The following FLACC1 variants were observed in gnomAD, a reference collection of about 807,000 sequenced individuals.
The protein encoded by FLACC1 is flagellum-associated coiled-coil domain-containing protein 1.
FLACC1 carries 66 observed loss-of-function variants against 62.8 expected under a neutral mutation model. The ratio of observed to expected loss-of-function variants is 1.05; its 90% CI spans 0.86 to 1.29. The LOEUF (loss-of-function observed/expected upper bound fraction) is 1.29, where lower values mean the gene tolerates loss of function less well. FLACC1 is among the 50% of genes most tolerant of loss of function. The probability of loss-of-function intolerance (pLI) is 0.00; values close to 1 mark genes in which losing one functional copy is unlikely to be tolerated. For synonymous variants in FLACC1, 156 were observed against 161.0 expected (o/e 0.97, Z 0.24); for missense variants, 452 against 489.1 (o/e 0.92, Z 0.71).
chr2:201,326,313 T>G lies in FLACC1; in HGVS notation c.675+4157A>C. ...TCATTCAACATAGTTCTGGAAGTCC[T>G]AGCTAGAGCAATTAGACAGGAGAAA... On this transcript the variant is annotated intron_variant, in intron 9 of 14. Transcript: ENST00000392257. The surrounding 1 kb of genome is among the most constrained non-coding windows in gnomAD (Gnocchi z 4.1). 6.6e-6 allele frequency among the ~76,000 whole-genome samples: 1 copy of G among 152,192 alleles called. No individual in the cohort carries two copies. The highest frequency in any genetic ancestry group is 1.9e-4 in the East Asian group (1 of 5,196).
chr2:201,296,548 A>T (rs548252994), intron 12 of FLACC1, among the ~76,000 whole-genome samples: 2 of 151,254 alleles, frequency 1.3e-5, no homozygotes, highest in South Asian at 4.2e-4. Flanking sequence ...GCATTAGGAG[A>T]TATACCTAAT....
At chr2:201,289,605 C>A in intron 13 of FLACC1, 39 bp from the exon 14 acceptor site, 1 of 1,613,150 alleles carries the variant, frequency 6.2e-7, no homozygotes, top group Non-Finnish European at 8.5e-7. Context: ...TTCCCCAACC[C>A]AGAGCCATCC....
At chr2:201,315,253 T>C (rs1032544129) in intron 9 of FLACC1, among the ~76,000 whole-genome samples, 3 of 152,166 alleles carry the variant, frequency 2.0e-5, no homozygotes, top group Non-Finnish European at 4.4e-5. Context: ...ACTTAAAAGA[T>C]ACAGAATTGC....
chr2:201,299,585 G>A lies in FLACC1; in HGVS notation c.880-285C>T, dbSNP rs554072457. ...TTCAATACTCTTAAGAATTAATCTC[G>A]CCACAGATTGATCTTTATATTCAAT... On this transcript the variant is annotated intron_variant, in intron 11 of 14. Transcript: ENST00000392257. Among the ~76,000 whole-genome samples, 4 of 152,210 alleles carry A rather than the reference G, an allele frequency of 2.6e-5. No individual in the cohort carries two copies. The East Asian group carries it at 5.8e-4, about 22-fold the overall frequency.
At position 201,346,222 on chromosome 2, in the gene FLACC1, C is replaced by T. The variant is rs1264148548; in HGVS notation, c.368+320G>A. Reference sequence around the variant, plus strand: ...CCCTCACTTTACTTAATTTGCATGCCTCAAATTCAGACTAATTTATGGCTA... The same window carrying T: ...CCCTCACTTTACTTAATTTGCATGCTTCAAATTCAGACTAATTTATGGCTA... On this transcript the variant is annotated intron_variant, in intron 5 of 14. Coordinates refer to ENST00000392257, the MANE Select transcript of FLACC1 (RefSeq NM_001127391.3). The surrounding 1 kb of genome is among the most constrained non-coding windows in gnomAD (Gnocchi z 4.0). 6.6e-6 allele frequency among the ~76,000 whole-genome samples: 1 copy of T among 152,164 alleles called. No homozygotes were observed. The highest frequency in any genetic ancestry group is 2.4e-5 in the African/African-American group (1 of 41,438).
At chr2:201,341,396 T>TATATATATATATAAATC (rs542225353) in intron 7 of FLACC1, among the ~76,000 whole-genome samples, 1 of 139,936 alleles carries the variant, frequency 7.1e-6, no homozygotes, top group Non-Finnish European at 1.5e-5. Context: ...AAGATTCATA[T>TATATATATATATAAATC]ATATATATAT....
At position 201,322,072 on chromosome 2, in the gene FLACC1, C is replaced by T. The variant is rs144263705; in HGVS notation, c.675+8398G>A. The stretch of plus-strand genomic sequence containing the variant: ...TCACTTGAGGTCAGGGGTTCGAGAC[C>T]AGCCCGGCCAATATGGTGAAACCCT... On this transcript the variant is annotated intron_variant, in intron 9 of 14. Coordinates refer to ENST00000392257, the MANE Select transcript of FLACC1 (RefSeq NM_001127391.3). 1.0e-3 allele frequency among the ~76,000 whole-genome samples: 156 copies of T among 152,114 alleles called. 1 individual carries two copies. Among genetic ancestry groups the T allele is most frequent in the African/African-American group, 3.7e-3 (152 of 41,492 alleles).
At chr2:201,292,665 A>G (rs1949763428) in intron 12 of FLACC1, among the ~76,000 whole-genome samples, 1 of 152,226 alleles carries the variant, frequency 6.6e-6, no homozygotes, top group Non-Finnish European at 1.5e-5. Flanking sequence ...GATCAAATTC[A>G]CACATAACAA....
chr2:201,342,266 C>A, intron 7 of FLACC1, 104 bp downstream of exon 7: 1 of 1,191,154 alleles, frequency 8.4e-7, no homozygotes, highest in East Asian at 2.4e-5. Flanking sequence ...CATCCCCCAA[C>A]TCCATTTAGA....
the FLACC1 span, among the ~76,000 whole-genome samples, chr2:201,364,080 A>G: frequency 6.6e-6 from 1 of 152,210 alleles, no homozygotes; most frequent in Non-Finnish European, 1.5e-5. Flanking sequence ...AACAAGGATC[A>G]AGTATATACT....
At chr2:201,358,712 C>T (rs191250984), upstream of FLACC1, among the ~76,000 whole-genome samples, 17 of 152,166 alleles carry the variant, frequency 1.1e-4, no homozygotes, top group Admixed American at 7.9e-4. Flanking sequence ...CCACTGCGCC[C>T]GGCCGCCCAG....
At chr2:201,355,613 A>G (rs989915497) in intron 1 of FLACC1, among the ~76,000 whole-genome samples, 4 of 152,074 alleles carry the variant, frequency 2.6e-5, no homozygotes, top group Non-Finnish European at 5.9e-5. Flanking sequence ...TAATCCCAAC[A>G]CTTTGAGAGA....
intron 14 of FLACC1, 71 bp from the exon 15 acceptor site, chr2:201,288,852 C>A: frequency 6.4e-7 from 1 of 1,550,596 alleles, no homozygotes; most frequent in Non-Finnish European, 8.7e-7. Flanking sequence ...ATTTGGAGTG[C>A]AGGGAGAGAA....
intron 12 of FLACC1, among the ~76,000 whole-genome samples, chr2:201,297,039 G>C (rs1429320410): frequency 6.6e-6 from 1 of 152,148 alleles, no homozygotes; most frequent in African/African-American, 2.4e-5. Context: ...GAGGCTGCTG[G>C]GTTGAATTTG....
At chr2:201,345,839 C>T (rs959711214) in intron 5 of FLACC1, among the ~76,000 whole-genome samples, 40 of 152,072 alleles carry the variant, frequency 2.6e-4, no homozygotes, top group African/African-American at 8.9e-4. Flanking sequence ...CTGCATCTCC[C>T]GGGGGCATGA....
At chr2:201,351,211 T>TGA in intron 2 of FLACC1, 81 bp downstream of exon 2, 1 of 1,258,190 alleles carries the variant, frequency 7.9e-7, no homozygotes, top group East Asian at 2.4e-5. Flanking sequence ...ACACTTGCTG[T>TGA]TTTAGAAATC....
chr2:201,354,856 T>A (rs1951089193), intron 1 of FLACC1, among the ~76,000 whole-genome samples: 1 of 151,936 alleles, frequency 6.6e-6, no homozygotes, highest in Non-Finnish European at 1.5e-5. Context: ...CACTATGGAG[T>A]GCTCTCTGTG....
intron 9 of FLACC1, among the ~76,000 whole-genome samples, chr2:201,328,187 A>C (rs1473633056): frequency 6.6e-6 from 1 of 152,060 alleles, no homozygotes; most frequent in Non-Finnish European, 1.5e-5. Flanking sequence ...TAAAAAAAAA[A>C]CAAAACTACA....
intron 9 of FLACC1, among the ~76,000 whole-genome samples, chr2:201,313,492 C>T (rs1235434086): frequency 1.3e-5 from 2 of 152,124 alleles, no homozygotes; most frequent in Non-Finnish European, 2.9e-5. Context: ...AGCCATAATC[C>T]TCCTGGGAAC....
Sources: gnomAD v4.1 joint callset for allele counts (sites outside exome capture counted in the v4.1 genomes callset) on GRCh38, gnomAD v4.1.1 for gene constraint, Gnocchi (gnomAD v3.1) non-coding constraint, MANE v1.5 for transcripts, NCBI Gene and HGNC (gene_info 2026-07-23, HGNC 2026-07-21) for gene names.